OSBPL3: variants seen among roughly 807,000 people sequenced by gnomAD.
OSBPL3 encodes oxysterol-binding protein-related protein 3.
A neutral mutation model predicts 120.1 loss-of-function variants in OSBPL3; 65 were observed. The ratio of observed to expected loss-of-function variants is 0.54; its 90% CI spans 0.44 to 0.67. The LOEUF (loss-of-function observed/expected upper bound fraction) is 0.67, where lower values mean the gene tolerates loss of function less well. Among genes scored for constraint, OSBPL3 ranks in the 30% least tolerant of loss-of-function variants. OSBPL3 has a pLI of 0.00. For missense variants in OSBPL3, 1,004 were observed against 1,082.1 expected (o/e 0.93, Z 1.01); for synonymous variants, 416 against 402.6 (o/e 1.03, Z -0.40).
In OSBPL3 at chr7:24,842,344, C is replaced by T. The variant is rs779397050; in HGVS notation, c.1336G>A (p.Asp446Asn). The T allele has an allele frequency of 6.2e-7, 1 of 1,612,544 alleles. No homozygotes were observed. Among genetic ancestry groups the T allele is most frequent in the Non-Finnish European group, 8.5e-7 (1 of 1,178,802 alleles). ...LSNESRLSIT[D>N]SLSEFFDAQE... ...GCATCAAAAAACTCAGAAAGGGAGT[C>T]AGTGATGGAGAGTCTACTTTCATTA... Residue 446 changes from aspartate (D) to asparagine (N), a missense_variant, in exon 13 of 23, where the codon GAC becomes AAC. Physicochemically the swap from Asp to Asn is conservative, Grantham distance 23. Transcript: ENST00000313367.
chr7:24,806,204 G>A lies in OSBPL3; in HGVS notation c.2444+572C>T, dbSNP rs546426300. Among the ~76,000 whole-genome samples, 4 of 152,334 alleles carry A rather than the reference G, an allele frequency of 2.6e-5. No homozygotes were observed. Among genetic ancestry groups the A allele is most frequent in the South Asian group, 4.1e-4 (2 of 4,826 alleles). On this transcript the variant is annotated intron_variant, in intron 21 of 22. Transcript: ENST00000313367. This position sits in a 1 kb window ranked among gnomAD's most constrained non-coding sequence, Gnocchi z 5.2. ...ACTCCTGACTTCAAGTGATCCGCCC[G>A]CTTCGGCCTCCCAAAGTGTTGTTTG...
intron 1 of OSBPL3, among the ~76,000 whole-genome samples, chr7:24,925,118 A>C (rs1562975764): frequency 6.6e-6 from 1 of 152,238 alleles, no homozygotes; most frequent in African/African-American, 2.4e-5. Context: ...GGTGTTTTAA[A>C]CACCATGTAT....
At chr7:24,893,154 TCAAA>T (rs1805618123) in intron 1 of OSBPL3, among the ~76,000 whole-genome samples, 1 of 152,128 alleles carries the variant, frequency 6.6e-6, no homozygotes, top group Admixed American at 6.5e-5. Context: ...AAACAGGTGC[TCAAA>T]CAAAAAGTTG....
intron 10 of OSBPL3, among the ~76,000 whole-genome samples, chr7:24,857,544 T>C (rs1272752453): frequency 2.6e-5 from 4 of 152,234 alleles, no homozygotes; most frequent in Non-Finnish European, 5.9e-5. Flanking sequence ...ACAACTACTA[T>C]ACGACATTTA....
At chr7:24,882,391 T>C (rs1803833920) in intron 2 of OSBPL3, among the ~76,000 whole-genome samples, 1 of 152,184 alleles carries the variant, frequency 6.6e-6, no homozygotes, top group Non-Finnish European at 1.5e-5. Context: ...CTTAAGATAA[T>C]GACCTGGTCC....
At chr7:24,807,582 G>T (rs912138412) in intron 20 of OSBPL3, among the ~76,000 whole-genome samples, 1 of 152,070 alleles carries the variant, frequency 6.6e-6, no homozygotes, top group South Asian at 2.1e-4. Context: ...TCACTCTAGA[G>T]AATCTGTTTT....
At chr7:24,837,590 C>A (rs1029133911) in intron 14 of OSBPL3, among the ~76,000 whole-genome samples, 4 of 152,180 alleles carry the variant, frequency 2.6e-5, no homozygotes, top group African/African-American at 9.7e-5. Context: ...GCATGCTACT[C>A]CACCGCCATC....
intron 1 of OSBPL3, among the ~76,000 whole-genome samples, chr7:24,978,774 C>G (rs1242522100): frequency 6.6e-6 from 1 of 152,202 alleles, no homozygotes; most frequent in Non-Finnish European, 1.5e-5. Context: ...AGAGCAACAC[C>G]TAGGGGGTCT....
rs1489373546 is a variant in OSBPL3 at position 24,867,614 on chromosome 7, C to G, written c.382-1377G>C. Among the ~76,000 whole-genome samples the G allele has an allele frequency of 6.6e-6, 1 of 152,152 alleles. No individual in the cohort carries two copies. The highest frequency in any genetic ancestry group is 1.5e-5 in the Non-Finnish European group (1 of 68,020). ...CCATCCACAGATGATGTCACTTGCTCCTATTTGCCTTCTGCCATGACTGTG... is the reference window on the plus strand; with the variant it reads ...CCATCCACAGATGATGTCACTTGCTGCTATTTGCCTTCTGCCATGACTGTG... On this transcript the variant is annotated intron_variant, in intron 5 of 22. Transcript: ENST00000313367. This position sits in a 1 kb window ranked among gnomAD's most constrained non-coding sequence, Gnocchi z 4.5.
In OSBPL3 at chr7:24,881,249, A is replaced by G. The variant is rs1803644246; in HGVS notation, c.97-9180T>C. Among the ~76,000 whole-genome samples, 1 of 152,254 alleles carries G rather than the reference A, an allele frequency of 6.6e-6. No homozygotes were observed. ...TCTTCTTTATCTTGATCCAAATCAG[A>G]AGTGAATTATTTTCACAGTGCTACA... On this transcript the variant is annotated intron_variant, in intron 2 of 22. Coordinates refer to ENST00000313367, the MANE Select transcript of OSBPL3 (RefSeq NM_015550.4). This position sits in a 1 kb window ranked among gnomAD's most constrained non-coding sequence, Gnocchi z 4.3.
In OSBPL3 at chr7:24,820,919, A is replaced by G. The variant is rs2128141398; in HGVS notation, c.1885-681T>C. The stretch of plus-strand genomic sequence containing the variant: ...ATAAAACTATCTTAAGCAAATAAGT[A>G]ATCTCATTCCAGAAAAGAGAATCCC... On this transcript the variant is annotated intron_variant, in intron 16 of 22. Transcript: ENST00000313367. This position sits in a 1 kb window ranked among gnomAD's most constrained non-coding sequence, Gnocchi z 4.6. Among the ~76,000 whole-genome samples the G allele has an allele frequency of 6.6e-6, 1 of 152,358 alleles. No individual in the cohort carries two copies. The highest frequency in any genetic ancestry group is 2.1e-4 in the South Asian group (1 of 4,832).
At chr7:24,973,093 T>C (rs1399035786) in intron 1 of OSBPL3, among the ~76,000 whole-genome samples, 3 of 152,338 alleles carry the variant, frequency 2.0e-5, no homozygotes, top group South Asian at 2.1e-4. Flanking sequence ...AATCCCACAC[T>C]GGATTGCTCA....
intron 1 of OSBPL3, among the ~76,000 whole-genome samples, chr7:24,961,889 C>T (rs987949373): frequency 6.6e-6 from 1 of 152,136 alleles, no homozygotes; most frequent in Non-Finnish European, 1.5e-5. Context: ...ATCGAGCTGG[C>T]CATTTACTCA....
rs1406593727 is a variant in OSBPL3, at chr7:24,899,938, A to G, written c.-149-7317T>C. Among the ~76,000 whole-genome samples the G allele has an allele frequency of 1.3e-5, 2 of 152,192 alleles. No individual in the cohort carries two copies. The highest frequency in any genetic ancestry group is 4.8e-5 in the African/African-American group (2 of 41,442). On this transcript the variant is annotated intron_variant, in intron 1 of 22. Coordinates refer to ENST00000313367, the MANE Select transcript of OSBPL3 (RefSeq NM_015550.4). The surrounding 1 kb of genome is among the most constrained non-coding windows in gnomAD (Gnocchi z 4.0). ...GGTGATTTTTGCTTAAAGTTTGAGA[A>G]CGTAACTGACTTAGCCTGTAGCTTT...
intron 5 of OSBPL3, among the ~76,000 whole-genome samples, chr7:24,869,697 C>T (rs1244227297): frequency 6.6e-6 from 1 of 152,210 alleles, no homozygotes; most frequent in African/African-American, 2.4e-5. Flanking sequence ...CTGCTTTACA[C>T]AATTAGCTAC....
At chr7:24,958,896 G>A (rs1815389959) in intron 1 of OSBPL3, among the ~76,000 whole-genome samples, 1 of 152,120 alleles carries the variant, frequency 6.6e-6, no homozygotes, top group Non-Finnish European at 1.5e-5. Flanking sequence ...CTTAAATGCT[G>A]ATCATCTTTT....
intron 1 of OSBPL3, among the ~76,000 whole-genome samples, chr7:24,923,988 G>T (rs1810728946): frequency 6.6e-6 from 1 of 152,138 alleles, no homozygotes; most frequent in South Asian, 2.1e-4. Context: ...ACATATTGTG[G>T]ATAAATAAGT....
Position 24,879,733 on chromosome 7 carries a change from G to A in OSBPL3, c.97-7664C>T, listed in dbSNP as rs1478160604. Among the ~76,000 whole-genome samples the A allele has an allele frequency of 6.6e-6, 1 of 152,126 alleles. No individual in the cohort carries two copies. The highest frequency in any genetic ancestry group is 1.5e-5 in the Non-Finnish European group (1 of 68,026). Reference sequence around the variant, plus strand: ...ATCCTGAGTTTCCAAAGAGAAAAACGCTTTCCAACTGTATTGACCACAGAC... The same window carrying A: ...ATCCTGAGTTTCCAAAGAGAAAAACACTTTCCAACTGTATTGACCACAGAC... On this transcript the variant is annotated intron_variant, in intron 2 of 22. Transcript: ENST00000313367. This position sits in a 1 kb window ranked among gnomAD's most constrained non-coding sequence, Gnocchi z 5.6.
rs1795849396 is a variant in OSBPL3 at position 24,827,507 on chromosome 7, G to T, written c.1884+3261C>A. Among the ~76,000 whole-genome samples, 1 of 152,232 alleles carries T rather than the reference G, an allele frequency of 6.6e-6. No homozygotes were observed. The highest frequency in any genetic ancestry group is 6.5e-5 in the Admixed American group (1 of 15,286). Reference sequence around the variant, plus strand: ...ACATAGCTGCATCTTCACACTGTATGCTCACTTAGGATTCTCATTGGCTTC... The same window carrying T: ...ACATAGCTGCATCTTCACACTGTATTCTCACTTAGGATTCTCATTGGCTTC... On this transcript the variant is annotated intron_variant, in intron 16 of 22. Transcript: ENST00000313367. The surrounding 1 kb of genome is among the most constrained non-coding windows in gnomAD (Gnocchi z 5.1).
Sources: gnomAD v4.1 joint callset for allele counts (sites outside exome capture counted in the v4.1 genomes callset) on GRCh38, gnomAD v4.1.1 for gene constraint, Gnocchi (gnomAD v3.1) non-coding constraint, MANE v1.5 for transcripts, NCBI Gene and HGNC (gene_info 2026-07-23, HGNC 2026-07-21) for gene names.